ZNF391: variants seen among roughly 807,000 people sequenced by gnomAD.
ZNF391 encodes the protein zinc finger protein 391.
For missense variants in ZNF391, 375 were observed against 425.5 expected (o/e 0.88, Z 1.04); for synonymous variants, 126 against 142.1 (o/e 0.89, Z 0.80).
intron 1 of ZNF391, among the ~76,000 whole-genome samples, chr6:27,393,771 A>C (rs1395368473): frequency 6.6e-6 from 1 of 152,226 alleles, no homozygotes; most frequent in Non-Finnish European, 1.5e-5. Flanking sequence ...CCAGGCTGAC[A>C]AAGTCTCAGA....
intron 1 of ZNF391, chr6:27,389,312 A>G (rs577192252): frequency 1.5e-4 from 68 of 455,580 alleles, no homozygotes; most frequent in South Asian, 1.1e-3. Flanking sequence ...GAGATGAAAA[A>G]GAGCAGGGTT....
upstream of ZNF391, among the ~76,000 whole-genome samples, chr6:27,385,169 TG>T (rs1366949087): frequency 2.0e-5 from 3 of 151,560 alleles, no homozygotes; most frequent in East Asian, 5.8e-4. Flanking sequence ...GTAACTAATA[TG>T]CTAATAAAAA....
Position 27,388,771 on chromosome 6 carries a change from G to A in ZNF391, c.-492G>A, listed in dbSNP as rs910921406. 2.4e-6 allele frequency: 1 copy of A among 408,464 alleles called. No homozygotes were observed. Among genetic ancestry groups the A allele is most frequent in the Non-Finnish European group, 4.8e-6 (1 of 210,348 alleles). 25.3% of individuals were successfully genotyped at this position (408,464 alleles called of 1,614,324 possible). ...GTTGCTCAGTCTCAGTGTGGTCTCT[G>A]TTTTGCAACTGGTCGTCCGCGTCAG... is the stretch of plus-strand genomic sequence containing the variant. On this transcript the variant is annotated 5_prime_UTR_variant, in exon 1 of 3. Transcript: ENST00000244576.
At chr6:27,397,067 G>A (rs1001663818) in intron 1 of ZNF391, among the ~76,000 whole-genome samples, 4 of 152,170 alleles carry the variant, frequency 2.6e-5, no homozygotes, top group African/African-American at 9.7e-5. Context: ...AATGTGTTAG[G>A]CCATTCTTGC....
upstream of ZNF391, among the ~76,000 whole-genome samples, chr6:27,386,832 T>C (rs976236799): frequency 7.2e-5 from 11 of 152,112 alleles, no homozygotes; most frequent in Non-Finnish European, 1.5e-4. Flanking sequence ...TATTAGACAA[T>C]GTAATTTTCA....
Position 27,376,569 on chromosome 6 carries a change from T to C in ZNF391, n.523+1432T>C, listed in dbSNP as rs1761421527. Among the ~76,000 whole-genome samples, 25 of 152,170 alleles carry C rather than the reference T, an allele frequency of 1.6e-4. No homozygotes were observed. The highest frequency in any genetic ancestry group is 1.6e-3 in the Admixed American group (25 of 15,282). ...CTTGTATACATCTCTGTATTGCAAA[T>C]GACAACATCTCTGGGATCCAGTCTC... On this transcript the variant is annotated intron_variant and non_coding_transcript_variant, in intron 1 of 2. Coordinates refer to the ZNF391 transcript ENST00000477999. The surrounding 1 kb of genome is among the most constrained non-coding windows in gnomAD (Gnocchi z 4.7).
Position 27,401,150 on chromosome 6 carries a change from G to A in ZNF391, c.780G>A (p.Trp260Ter), listed in dbSNP as rs1476634539. 2 of 1,614,168 alleles carry A rather than the reference G, an allele frequency of 1.2e-6. No individual in the cohort carries two copies. The highest frequency in any genetic ancestry group is 1.7e-6 in the Non-Finnish European group (2 of 1,180,024). Residue 260 changes from tryptophan (W) to a stop codon, truncating the protein, a stop_gained, in exon 3 of 3, where the codon TGG becomes TGA. Coordinates refer to ENST00000244576, the MANE Select transcript of ZNF391 (RefSeq NM_001076781.3). LOFTEE classifies it low-confidence loss of function (END_TRUNC). ...ECSKCGKAFS[W>*]ISSLTEHQRT... ...GTAAATGTGGAAAAGCTTTCAGTTG[G>A]ATCTCATCGCTTACTGAACATCAGA...
At position 27,402,513 on chromosome 6, in the gene ZNF391, G is replaced by T. The variant is rs910714891; in HGVS notation, c.*1066G>T. 1.3e-5 allele frequency: 2 copies of T among 152,152 alleles called. No individual in the cohort carries two copies. Among genetic ancestry groups the T allele is most frequent in the Non-Finnish European group, 2.9e-5 (2 of 68,026 alleles). The allele number at this position is 152,152 out of a possible 1,614,324, so 9.4% of individuals were successfully genotyped here. On this transcript the variant is annotated 3_prime_UTR_variant, in exon 3 of 3. Coordinates refer to ENST00000244576, the MANE Select transcript of ZNF391 (RefSeq NM_001076781.3). ...ATCAGCTCTGTGATTTGGGGCAAGG[G>T]TTAGGCCAGAATTATCTCATTTTAT... is the stretch of plus-strand genomic sequence containing the variant.
chr6:27,389,229 C>T (rs1249726442), intron 1 of ZNF391, 154 bp downstream of exon 1: 7 of 456,490 alleles, frequency 1.5e-5, no homozygotes, highest in Admixed American at 7.0e-5. Flanking sequence ...CCCCAGCGCT[C>T]GTCTCACTGG....
At position 27,376,207 on chromosome 6, in the gene ZNF391, T is replaced by C. The variant is rs1761415739; in HGVS notation, n.523+1070T>C. On this transcript the variant is annotated intron_variant and non_coding_transcript_variant, in intron 1 of 2. Transcript: ENST00000477999. The surrounding 1 kb of genome is among the most constrained non-coding windows in gnomAD (Gnocchi z 4.7). The stretch of plus-strand genomic sequence containing the variant: ...TCTCACTAAAAAAAGATAATATTGT[T>C]TGCTGAAATCATAAGATTGTCAAGA... Among the ~76,000 whole-genome samples the C allele has an allele frequency of 6.6e-6, 1 of 152,210 alleles. No homozygotes were observed.
At chr6:27,390,669 G>A (rs1761687507) in intron 1 of ZNF391, among the ~76,000 whole-genome samples, 4 of 152,180 alleles carry the variant, frequency 2.6e-5, no homozygotes, top group Admixed American at 2.6e-4. Flanking sequence ...TAGAGCAGCA[G>A]CTGCTGAAGG....
intron 1 of ZNF391, among the ~76,000 whole-genome samples, chr6:27,398,650 A>T (rs1761881001): frequency 6.6e-6 from 1 of 152,126 alleles, no homozygotes; most frequent in African/African-American, 2.4e-5. Context: ...CGAGGTCAGG[A>T]GATCGAGACC....
At chr6:27,380,823 T>A (rs1399553510) in intron 1 of ZNF391, among the ~76,000 whole-genome samples, 1 of 151,734 alleles carries the variant, frequency 6.6e-6, no homozygotes, top group East Asian at 1.9e-4. Context: ...CCCACCTGAG[T>A]AGCTAGATAC....
chr6:27,402,383 C>G lies in ZNF391; in HGVS notation c.*936C>G, dbSNP rs1408818801. 11 of 152,072 alleles carry G rather than the reference C, an allele frequency of 7.2e-5. No individual in the cohort carries two copies. Among genetic ancestry groups the G allele is most frequent in the African/African-American group, 2.7e-4 (11 of 41,398 alleles). 9.4% of individuals were successfully genotyped at this position (152,072 alleles called of 1,614,324 possible). The stretch of plus-strand genomic sequence containing the variant: ...CTACTTGACATTTGCAGAATTGGCA[C>G]TTTTTGCCACTGTTATGCCTTAAAT... On this transcript the variant is annotated 3_prime_UTR_variant, in exon 3 of 3. Transcript: ENST00000244576.
intron 1 of ZNF391, among the ~76,000 whole-genome samples, chr6:27,377,262 T>C (rs185896218): frequency 5.1e-4 from 78 of 152,334 alleles, no homozygotes; most frequent in African/African-American, 1.8e-3. Context: ...TAGCTTCTCA[T>C]TGGAAACAAC....
At chr6:27,382,742 A>T (rs776950164) in intron 1 of ZNF391, among the ~76,000 whole-genome samples, 3 of 152,222 alleles carry the variant, frequency 2.0e-5, no homozygotes, top group Non-Finnish European at 2.9e-5. Flanking sequence ...AATGAAAATG[A>T]TTTTGATGGC....
upstream of ZNF391, among the ~76,000 whole-genome samples, chr6:27,384,482 AAG>A (rs760600893): frequency 9.3e-4 from 23 of 24,698 alleles, no homozygotes; most frequent in African/African-American, 2.1e-3. Flanking sequence ...AAAAAAAAAA[AAG>A]AGAGAGAGAG....
upstream of ZNF391, among the ~76,000 whole-genome samples, chr6:27,386,699 C>T (rs894241455): frequency 1.3e-5 from 2 of 151,978 alleles, no homozygotes; most frequent in African/African-American, 4.8e-5. Flanking sequence ...AACTGGATAT[C>T]CAAATGCAAA....
At chr6:27,382,927 C>T (rs1378744095) in intron 1 of ZNF391, among the ~76,000 whole-genome samples, 2 of 152,078 alleles carry the variant, frequency 1.3e-5, no homozygotes, top group Non-Finnish European at 2.9e-5. Flanking sequence ...CAAGACCAGC[C>T]TGGCCAACAT....
Sources: allele counts gnomAD v4.1 joint callset (sites outside exome capture counted in the v4.1 genomes callset), GRCh38; gene constraint gnomAD v4.1.1; non-coding constraint Gnocchi (gnomAD v3.1); transcripts MANE v1.5; gene names NCBI Gene and HGNC (gene_info 2026-07-23, HGNC 2026-07-21).